SMAD2: variants seen among roughly 807,000 people sequenced by gnomAD.
SMAD2 encodes SMAD family member 2.
SMAD2 carries 8 observed loss-of-function variants against 64.4 expected under a neutral mutation model. That is an observed-to-expected ratio of 0.12 (90% CI 0.07 to 0.22). The LOEUF (loss-of-function observed/expected upper bound fraction) is 0.22, where lower values mean the gene tolerates loss of function less well. SMAD2 is among the 10% of genes least tolerant of loss of function. SMAD2 has a pLI of 1.00. For synonymous variants in SMAD2, 203 were observed against 195.8 expected, an observed-to-expected ratio of 1.04 and a Z score of -0.31; for missense variants, 289 against 561.2, an observed-to-expected ratio of 0.51 and a Z score of 4.90.
chr18:47,849,080 C>A (rs2144302620), intron 7 of SMAD2, among the ~76,000 whole-genome samples: 1 of 152,116 alleles, frequency 6.6e-6, no homozygotes, highest in Non-Finnish European at 1.5e-5. Context: ...TAAGATAAAG[C>A]CAGAGCAAAG....
chr18:47,879,865 A>C (rs1178679740), intron 2 of SMAD2, among the ~76,000 whole-genome samples: 1 of 152,158 alleles, frequency 6.6e-6, no homozygotes, highest in Non-Finnish European at 1.5e-5. Context: ...GTCAGTCTTT[A>C]AATTATAGGT....
At chr18:47,852,625 A>T (rs1412199913) in intron 6 of SMAD2, among the ~76,000 whole-genome samples, 1 of 152,184 alleles carries the variant, frequency 6.6e-6, no homozygotes, top group Non-Finnish European at 1.5e-5. Flanking sequence ...CTTCTGTGAA[A>T]TTATAGTTAG....
chr18:47,903,700 C>A (rs2033780039), intron 1 of SMAD2, among the ~76,000 whole-genome samples: 2 of 151,928 alleles, frequency 1.3e-5, no homozygotes, highest in South Asian at 4.1e-4. Flanking sequence ...AATGAAAAAA[C>A]TTCATCACAG....
rs1159216803 is a variant in SMAD2, at chr18:47,811,084, GA to G, written c.*30742del. ...CCCCAAGCCCCAAATGTGCAATAAAGAAAGTAAAAATTAGTTGCTGTCCACT... is the reference window on the plus strand; with the variant it reads ...CCCCAAGCCCCAAATGTGCAATAAAGAAGTAAAAATTAGTTGCTGTCCACT... On this transcript the variant is annotated 3_prime_UTR_variant, in exon 11 of 11. Transcript: ENST00000262160. 6.6e-6 allele frequency: 1 copy of G among 152,262 alleles called. No homozygotes were observed. Among genetic ancestry groups the G allele is most frequent in the Non-Finnish European group, 1.5e-5 (1 of 68,126 alleles). The allele number at this position is 152,262 out of a possible 1,614,324, so 9.4% of individuals were successfully genotyped here.
intron 5 of SMAD2, among the ~76,000 whole-genome samples, chr18:47,867,863 T>G (rs1598801317): frequency 6.6e-6 from 1 of 152,294 alleles, no homozygotes; most frequent in Non-Finnish European, 1.5e-5. Context: ...TTGCTATGTC[T>G]ATAGAACTAA....
rs1229763425 is a variant in SMAD2, at chr18:47,930,396, C to G, written c.-89G>C. On this transcript the variant is annotated 5_prime_UTR_variant, in exon 1 of 11. Transcript: ENST00000262160. ...GCGCCAGGTCCCGCCCCGTCAGATC[C>G]GGGGGGTCCGGGACCTTTTGTTCCT... 1 of 152,210 alleles carries G rather than the reference C, an allele frequency of 6.6e-6. No homozygotes were observed. Among genetic ancestry groups the G allele is most frequent in the African/African-American group, 2.4e-5 (1 of 41,400 alleles). The allele number at this position is 152,210 out of a possible 1,614,324, so 9.4% of individuals were successfully genotyped here.
At position 47,813,700 on chromosome 18, in the gene SMAD2, C is replaced by G. The variant is rs1365443008; in HGVS notation, c.*28127G>C. On this transcript the variant is annotated 3_prime_UTR_variant, in exon 11 of 11. Transcript: ENST00000262160. ...GGATTACAGGCATGAGCCACTGTAC[C>G]CGGCCCCACAATTTTTTTTTTTTTT... The G allele has an allele frequency of 7.6e-6, 1 of 131,038 alleles. No homozygotes were observed. Among genetic ancestry groups the G allele is most frequent in the African/African-American group, 2.9e-5 (1 of 34,942 alleles). The allele number at this position is 131,038 out of a possible 1,614,324, so 8.1% of individuals were successfully genotyped here. A position where few individuals can be genotyped will look rare whatever the true frequency, so the allele number is the denominator to read the frequency against.
intron 1 of SMAD2, among the ~76,000 whole-genome samples, chr18:47,904,800 G>C (rs144776996): frequency 6.6e-6 from 1 of 152,198 alleles, no homozygotes; most frequent in Admixed American, 6.5e-5. Flanking sequence ...CGAGAAAAAA[G>C]GTATCTGAAA....
In SMAD2 at chr18:47,855,101, T is replaced by C. The variant is rs914345656; in HGVS notation, c.731-3774A>G. Among the ~76,000 whole-genome samples the C allele has an allele frequency of 2.0e-5, 3 of 152,210 alleles. No individual in the cohort carries two copies. In the East Asian group the frequency reaches 5.8e-4, roughly 29 times the overall value. ...AATGTCATATATAGTAAGTCTTCAT[T>C]TAACATCTTCCATAGGTTTTTGGAA... is the stretch of plus-strand genomic sequence containing the variant. On this transcript the variant is annotated intron_variant, in intron 6 of 10. Coordinates refer to ENST00000262160, the MANE Select transcript of SMAD2 (RefSeq NM_005901.6).
In SMAD2 at chr18:47,887,409, G is replaced by C. The variant is rs193181608; in HGVS notation, c.236+9112C>G. Reference sequence around the variant, plus strand: ...AAAGGGGCACGATCTTAAGTGGCTGGCTGGACTGTAATCTGATGTGACAGT... The same window carrying C: ...AAAGGGGCACGATCTTAAGTGGCTGCCTGGACTGTAATCTGATGTGACAGT... On this transcript the variant is annotated intron_variant, in intron 2 of 10. Coordinates refer to ENST00000262160, the MANE Select transcript of SMAD2 (RefSeq NM_005901.6). Among the ~76,000 whole-genome samples, 12 of 152,272 alleles carry C rather than the reference G, an allele frequency of 7.9e-5. No homozygotes were observed. In the East Asian group the frequency reaches 2.3e-3, roughly 29 times the overall value.
intron 6 of SMAD2, among the ~76,000 whole-genome samples, chr18:47,858,571 A>C (rs902185457): frequency 5.3e-5 from 8 of 152,170 alleles, no homozygotes; most frequent in Non-Finnish European, 1.0e-4. Context: ...ATAACACTGA[A>C]CTTTGGGGTT....
intron 2 of SMAD2, among the ~76,000 whole-genome samples, chr18:47,874,153 T>G (rs1235545496): frequency 6.6e-6 from 1 of 152,194 alleles, no homozygotes; most frequent in Admixed American, 6.5e-5. Flanking sequence ...TCTATTACAG[T>G]GACCATTTCA....
chr18:47,920,111 T>C (rs1353535843), intron 1 of SMAD2: 1 of 152,206 alleles, frequency 6.6e-6, no homozygotes, highest in East Asian at 1.9e-4. Flanking sequence ...GGTACCAGCA[T>C]GGTTAGGTTC....
At position 47,830,137 on chromosome 18, in the gene SMAD2, C is replaced by T. The variant is rs927233883; in HGVS notation, c.*11690G>A. On this transcript the variant is annotated 3_prime_UTR_variant, in exon 11 of 11. Transcript: ENST00000262160. Reference sequence around the variant, plus strand: ...TACATTTTTAAATGTGGTGATAACACGTTATTATTCATGATTTAAAAGTTG... The same window carrying T: ...TACATTTTTAAATGTGGTGATAACATGTTATTATTCATGATTTAAAAGTTG... 10 of 152,208 alleles carry T rather than the reference C, an allele frequency of 6.6e-5. No individual in the cohort carries two copies. The highest frequency in any genetic ancestry group is 2.6e-4 in the Admixed American group (4 of 15,286). 9.4% of individuals were successfully genotyped at this position (152,208 alleles called of 1,614,324 possible). A position where few individuals can be genotyped will look rare whatever the true frequency, so the allele number is the denominator to read the frequency against.
At chr18:47,876,045 A>G (rs572660779) in intron 2 of SMAD2, among the ~76,000 whole-genome samples, 1 of 152,222 alleles carries the variant, frequency 6.6e-6, no homozygotes, top group East Asian at 1.9e-4. Flanking sequence ...AAACCTGTAC[A>G]ACATCAAGCT....
chr18:47,881,866 A>G (rs2032610601), intron 2 of SMAD2, among the ~76,000 whole-genome samples: 1 of 151,944 alleles, frequency 6.6e-6, no homozygotes, highest in African/African-American at 2.4e-5. Context: ...AGTAAATTAC[A>G]TAGTTTTTTT....
At chr18:47,900,579 T>C (rs2033644308) in intron 1 of SMAD2, among the ~76,000 whole-genome samples, 1 of 152,198 alleles carries the variant, frequency 6.6e-6, no homozygotes, top group Non-Finnish European at 1.5e-5. Context: ...CTTAGCTTTG[T>C]CAATTTTCTC....
rs2031438828 is a variant in SMAD2 at position 47,864,792 on chromosome 18, GAAATA to G, written c.730+262_730+266del. ...TTCAACAGAAGCAAATACTTAAAAA[GAAATA>G]AAAGTATGTGCATGTTTTCAAATTT... On this transcript the variant is annotated intron_variant, in intron 6 of 10. Coordinates refer to ENST00000262160, the MANE Select transcript of SMAD2 (RefSeq NM_005901.6). 2.0e-5 allele frequency among the ~76,000 whole-genome samples: 3 copies of G among 151,960 alleles called. 1 individual carries two copies. The South Asian group carries it at 6.2e-4, about 32-fold the overall frequency.
At chr18:47,863,553 CT>C (rs146121005) in intron 6 of SMAD2, among the ~76,000 whole-genome samples, 4,855 of 151,986 alleles carry the variant, frequency 0.032, 120 homozygotes, top group Non-Finnish European at 0.05. Flanking sequence ...TCCCTGCAGC[CT>C]TTTTTTTCTG....
Sources: gnomAD v4.1 joint callset for allele counts (sites outside exome capture counted in the v4.1 genomes callset) on GRCh38, gnomAD v4.1.1 for gene constraint, MANE v1.5 for transcripts, NCBI Gene and HGNC (gene_info 2026-07-23, HGNC 2026-07-21) for gene names.